GRID2: variants seen among roughly 807,000 people sequenced by gnomAD.
GRID2 encodes the protein glutamate ionotropic receptor delta type subunit 2, also known as glutamate receptor ionotropic, delta-2.
In GRID2, 33 loss-of-function variants were observed where a neutral mutation model predicts 114.8. That is an observed-to-expected ratio of 0.29 (90% CI 0.22 to 0.38). GRID2 has a LOEUF of 0.38. GRID2 is among the 10% of genes least tolerant of loss of function. The probability of loss-of-function intolerance (pLI) is 1.00; values close to 1 mark genes in which losing one functional copy is unlikely to be tolerated. For missense variants in GRID2, 1,184 were observed against 1,257.7 expected (o/e 0.94, Z 0.89); for synonymous variants, 505 against 449.9 (o/e 1.12, Z -1.55).
chr4:92,489,799 T>C (rs905843952), intron 1 of GRID2, among the ~76,000 whole-genome samples: 1 of 151,232 alleles, frequency 6.6e-6, no homozygotes, highest in Non-Finnish European at 1.5e-5. Context: ...TGAGCCAAGA[T>C]TGTGCTACTG....
chr4:92,983,940 T>C (rs1674898806), intron 2 of GRID2, among the ~76,000 whole-genome samples: 1 of 152,186 alleles, frequency 6.6e-6, no homozygotes, highest in Admixed American at 6.5e-5. Flanking sequence ...CAATAGCCTG[T>C]AATAGGACAG....
At chr4:92,393,207 C>A (rs1730333623) in intron 1 of GRID2, among the ~76,000 whole-genome samples, 1 of 152,082 alleles carries the variant, frequency 6.6e-6, no homozygotes, top group Non-Finnish European at 1.5e-5. Flanking sequence ...CATGAGGGAT[C>A]CACTCCTATG....
intron 14 of GRID2, among the ~76,000 whole-genome samples, chr4:93,737,279 T>G (rs1206795217): frequency 6.6e-6 from 1 of 152,076 alleles, no homozygotes; most frequent in African/African-American, 2.4e-5. Context: ...CTTTAAGATA[T>G]CAAAGATTTC....
intron 2 of GRID2, among the ~76,000 whole-genome samples, chr4:92,830,349 A>G (rs780031744): frequency 3.3e-5 from 5 of 150,458 alleles, no homozygotes; most frequent in African/African-American, 7.3e-5. Flanking sequence ...AAATATTTCT[A>G]TGTTCTCTAA....
intron 8 of GRID2, among the ~76,000 whole-genome samples, chr4:93,288,047 A>C (rs570387324): frequency 1.3e-5 from 2 of 152,196 alleles, no homozygotes; most frequent in African/African-American, 4.8e-5. Context: ...CCACACATCA[A>C]TATTTCCTAA....
At chr4:93,365,413 G>A (rs1360239291) in intron 8 of GRID2, among the ~76,000 whole-genome samples, 3 of 152,122 alleles carry the variant, frequency 2.0e-5, no homozygotes, top group African/African-American at 4.8e-5. Flanking sequence ...TGCATAGTAG[G>A]TATTCCATGT....
chr4:93,683,235 C>T (rs1390827093), intron 14 of GRID2, among the ~76,000 whole-genome samples: 2 of 151,964 alleles, frequency 1.3e-5, no homozygotes, highest in African/African-American at 2.4e-5. Context: ...TATAACCCTG[C>T]TCAGATCTCA....
intron 2 of GRID2, among the ~76,000 whole-genome samples, chr4:92,704,719 C>CTA (rs1734860682): frequency 7.0e-6 from 1 of 143,362 alleles, no homozygotes; most frequent in African/African-American, 2.6e-5. Context: ...CTCTCTCTCT[C>CTA]TCTTTCTCTC....
chr4:92,949,934 C>A (rs1418324769), intron 2 of GRID2, among the ~76,000 whole-genome samples: 1 of 152,072 alleles, frequency 6.6e-6, no homozygotes, highest in South Asian at 2.1e-4. Context: ...TTGGCCATCT[C>A]CTCTCAGCTA....
chr4:93,403,831 G>T (rs920562349), intron 9 of GRID2, among the ~76,000 whole-genome samples: 1 of 151,964 alleles, frequency 6.6e-6, no homozygotes, highest in Non-Finnish European at 1.5e-5. Context: ...TTCCTCAAAT[G>T]GTTAAAAGTA....
In GRID2 at chr4:93,786,365, GTGTT is replaced by G. The variant is rs946133629; in HGVS notation, c.221+16925_221+16928del. ...CTAGAAGAAATGGGATCCCAGGAGG[GTGTT>G]TGTTTGTTTCCAACGTAGGAGACAC... is the stretch of plus-strand genomic sequence containing the variant. On this transcript the variant is annotated intron_variant, in intron 1 of 1. Coordinates refer to the GRID2 transcript ENST00000637838. Among the ~76,000 whole-genome samples, 7 of 152,268 alleles carry G rather than the reference GTGTT, an allele frequency of 4.6e-5. No individual in the cohort carries two copies. In the East Asian group the frequency reaches 9.7e-4, roughly 21 times the overall value.
intron 8 of GRID2, among the ~76,000 whole-genome samples, chr4:93,267,188 A>ATTTTTTTT (rs1048317012): frequency 6.6e-5 from 1 of 15,154 alleles, no homozygotes; most frequent in Non-Finnish European, 1.1e-4. Context: ...TAATTTTATT[A>ATTTTTTTT]TTTTTTTTAT....
chr4:92,527,061 T>C (rs1052720095), intron 1 of GRID2, among the ~76,000 whole-genome samples: 4 of 151,732 alleles, frequency 2.6e-5, no homozygotes, highest in Non-Finnish European at 5.9e-5. Flanking sequence ...AGGATACGTT[T>C]GACTGAGAAA....
intron 8 of GRID2, among the ~76,000 whole-genome samples, chr4:93,273,616 G>A (rs1441339474): frequency 6.6e-6 from 1 of 152,104 alleles, no homozygotes; most frequent in African/African-American, 2.4e-5. Flanking sequence ...GATTATCTGG[G>A]TAAGGCCAGA....
intron 1 of GRID2, among the ~76,000 whole-genome samples, chr4:92,416,441 C>T (rs1339186958): frequency 2.0e-5 from 3 of 152,096 alleles, no homozygotes; most frequent in Non-Finnish European, 2.9e-5. Context: ...GTTTCTGCTG[C>T]GTTGGCTTTT....
At chr4:93,493,302 T>C (rs2149463155) in intron 12 of GRID2, among the ~76,000 whole-genome samples, 1 of 151,980 alleles carries the variant, frequency 6.6e-6, no homozygotes, top group African/African-American at 2.4e-5. Context: ...CAAAAAATCA[T>C]GGTTAACATT....
intron 1 of GRID2, among the ~76,000 whole-genome samples, chr4:92,449,710 T>TATATATATATATATA (rs1266661271): frequency 3.0e-5 from 4 of 131,722 alleles, no homozygotes; most frequent in African/African-American, 8.7e-5. Flanking sequence ...TATATATATA[T>TATATATATATATATA]AACACTTAAG....
chr4:92,918,264 G>T (rs1284827766), intron 2 of GRID2, among the ~76,000 whole-genome samples: 2 of 152,120 alleles, frequency 1.3e-5, no homozygotes, highest in Non-Finnish European at 2.9e-5. Flanking sequence ...GAGACGATGG[G>T]ATTTTCTAGA....
intron 8 of GRID2, among the ~76,000 whole-genome samples, chr4:93,268,102 C>T (rs1333809155): frequency 6.6e-6 from 1 of 152,160 alleles, no homozygotes; most frequent in Non-Finnish European, 1.5e-5. Context: ...TGCCCATTTT[C>T]TTTTTTCTGT....
Sources: allele counts gnomAD v4.1 joint callset (sites outside exome capture counted in the v4.1 genomes callset), GRCh38; gene constraint gnomAD v4.1.1; transcripts MANE v1.5; gene names NCBI Gene and HGNC (gene_info 2026-07-23, HGNC 2026-07-21).